Variants in CERKL observed in about 807,000 individuals in gnomAD.
CERKL encodes the protein ceramide kinase-like protein.
A neutral mutation model predicts 63.4 loss-of-function variants in CERKL; 61 were observed. That is an observed-to-expected ratio of 0.96 (90% CI 0.78 to 1.19). CERKL has a LOEUF of 1.19. CERKL is among the 50% of genes most tolerant of loss of function. The pLI is 0.00. For synonymous variants in CERKL, 250 were observed against 230.5 expected, an observed-to-expected ratio of 1.08 and a Z score of -0.77; for missense variants, 675 against 655.5, an observed-to-expected ratio of 1.03 and a Z score of -0.33.
chr2:181,608,028 T>C (rs759768541), intron 1 of CERKL, among the ~76,000 whole-genome samples: 4 of 152,202 alleles, frequency 2.6e-5, no homozygotes, highest in Non-Finnish European at 4.4e-5. Context: ...AGTCTTCTTA[T>C]GTTTGCCCAG....
At chr2:181,590,141 T>C (rs370032524) in intron 2 of CERKL, among the ~76,000 whole-genome samples, 3 of 145,578 alleles carry the variant, frequency 2.1e-5, no homozygotes, top group African/African-American at 7.7e-5. Flanking sequence ...TTTGTTTATA[T>C]ATTTATTTAA....
chr2:181,634,957 T>A (rs186162334), intron 1 of CERKL, among the ~76,000 whole-genome samples: 102 of 152,254 alleles, frequency 6.7e-4, no homozygotes, highest in Non-Finnish European at 1.3e-3. Context: ...ACACAATGAA[T>A]GCTAATTAAA....
chr2:181,616,035 T>A (rs1686178493), intron 1 of CERKL, among the ~76,000 whole-genome samples: 1 of 152,040 alleles, frequency 6.6e-6, no homozygotes, highest in Admixed American at 6.6e-5. Flanking sequence ...TGTCACATTG[T>A]TATCGGATCA....
intron 1 of CERKL, among the ~76,000 whole-genome samples, chr2:181,647,129 T>C (rs1441147): frequency 0.092 from 14,000 of 152,008 alleles, 825 homozygotes; most frequent in East Asian, 0.12. Flanking sequence ...GCTGAAGAGA[T>C]GGGATGGGTT....
intron 11 of CERKL, among the ~76,000 whole-genome samples, chr2:181,540,646 G>A (rs2105790200): frequency 6.6e-6 from 1 of 152,280 alleles, no homozygotes; most frequent in South Asian, 2.1e-4. Context: ...TAAATCAGCA[G>A]TTGTCATGTG....
intron 2 of CERKL, among the ~76,000 whole-genome samples, chr2:181,602,840 A>G (rs1209643060): frequency 6.6e-6 from 1 of 152,260 alleles, no homozygotes; most frequent in Non-Finnish European, 1.5e-5. Flanking sequence ...TGACTGATGC[A>G]GCAAACAAGA....
At chr2:181,603,810 T>G in intron 2 of CERKL, 27 bp downstream of exon 2, 2 of 1,611,572 alleles carry the variant, frequency 1.2e-6, no homozygotes, top group Non-Finnish European at 1.7e-6. Flanking sequence ...ACTGGGCTGA[T>G]TAAAATTTCC....
intron 1 of CERKL, among the ~76,000 whole-genome samples, chr2:181,651,816 GA>G (rs1203119640): frequency 6.6e-6 from 1 of 151,800 alleles, no homozygotes; most frequent in Non-Finnish European, 1.5e-5. Context: ...AAAGTTGCAA[GA>G]CACAAAATCA....
chr2:181,564,048 C>T (rs1035126943), intron 4 of CERKL, among the ~76,000 whole-genome samples: 4 of 152,078 alleles, frequency 2.6e-5, no homozygotes, highest in African/African-American at 9.7e-5. Context: ...GCATTAGATT[C>T]TCATCAAGAG....
At chr2:181,538,886 C>T (rs1038370119) in intron 12 of CERKL, among the ~76,000 whole-genome samples, 1 of 152,034 alleles carries the variant, frequency 6.6e-6, no homozygotes, top group Non-Finnish European at 1.5e-5. Flanking sequence ...AAAGAAAATG[C>T]CTTGGGTCTA....
Position 181,538,216 on chromosome 2 carries a change from CATAAAGACTG to C in CERKL, c.1557_1566del (p.Ile519MetfsTer8). The stretch of plus-strand genomic sequence containing the variant: ...GGAATCATTTCTTCCATGCTTCCTC[CATAAAGACTG>C]ATAAGTCTTGGATGCAATCTGTAAA... On this transcript the variant is annotated frameshift_variant, in exon 13 of 13. Coordinates refer to ENST00000410087, the MANE Select transcript of CERKL (RefSeq NM_201548.5). LOFTEE classifies it high-confidence loss of function. 1 of 1,590,534 alleles carries C rather than the reference CATAAAGACTG, an allele frequency of 6.3e-7. No individual in the cohort carries two copies. Among genetic ancestry groups the C allele is most frequent in the Non-Finnish European group, 8.6e-7 (1 of 1,159,608 alleles).
chr2:181,584,222 G>A (rs575277417), intron 2 of CERKL, among the ~76,000 whole-genome samples: 37 of 152,012 alleles, frequency 2.4e-4, no homozygotes, highest in Admixed American at 2.0e-4. Context: ...CTTAATAACC[G>A]CCATATTGGC....
intron 1 of CERKL, among the ~76,000 whole-genome samples, chr2:181,626,026 TTACAGATTGTGAGGAAG>T (rs144759069): frequency 0.18 from 27,043 of 152,126 alleles, 3,808 homozygotes; most frequent in African/African-American, 0.39. Flanking sequence ...TGATCCCATT[TTACAGATTGTGAGGAAG>T]GACAGATAAG....
Position 181,558,761 on chromosome 2 carries a change from T to C in CERKL, c.678-53A>G. The stretch of plus-strand genomic sequence containing the variant: ...GGCAAAACTTCAGAATGATTGGTAA[T>C]AAGTCATGAAATCTAGACTTCAAAA... On this transcript the variant is annotated intron_variant, in intron 4 of 12. Coordinates refer to ENST00000410087, the MANE Select transcript of CERKL (RefSeq NM_201548.5). The surrounding 1 kb of genome is among the most constrained non-coding windows in gnomAD (Gnocchi z 4.2). 1 of 1,584,424 alleles carries C rather than the reference T, an allele frequency of 6.3e-7. No individual in the cohort carries two copies.
chr2:181,627,753 A>G (rs2105470318), intron 1 of CERKL, among the ~76,000 whole-genome samples: 1 of 152,302 alleles, frequency 6.6e-6, no homozygotes, highest in African/African-American at 2.4e-5. Flanking sequence ...ACATTCCCAC[A>G]CCCCATGGCT....
intron 5 of CERKL, among the ~76,000 whole-genome samples, chr2:181,553,768 ACT>A (rs549607022): frequency 7.6e-4 from 115 of 152,276 alleles, no homozygotes; most frequent in African/African-American, 1.6e-3. Context: ...GGTTTTTGAC[ACT>A]CTGAAGAAAA....
At position 181,566,098 on chromosome 2, in the gene CERKL, G is replaced by C; in HGVS notation, c.637C>G (p.Leu213Val). The C allele has an allele frequency of 1.9e-6, 3 of 1,611,108 alleles. No homozygotes were observed. The highest frequency in any genetic ancestry group is 2.2e-5 in the South Asian group (2 of 91,002). The change falls in exon 4 of 13, where the codon CTG (leucine) becomes GTG (valine). Residue 213 changes from leucine (L) to valine (V), a missense_variant. Coordinates refer to ENST00000410087, the MANE Select transcript of CERKL (RefSeq NM_201548.5). The part of the protein sequence containing the change: ...VTIMEYEGHA[L>V]SLLKECELQG... ...AGTTCACATTCCTTAAGCAGTGACA[G>C]AGCGTGCCCTTCATATTCCATTACT...
chr2:181,639,968 C>T (rs1047373132), intron 1 of CERKL, among the ~76,000 whole-genome samples: 13 of 152,168 alleles, frequency 8.5e-5, no homozygotes, highest in Non-Finnish European at 1.6e-4. Flanking sequence ...TAATGAAAAT[C>T]TAGGAATGTA....
intron 1 of CERKL, among the ~76,000 whole-genome samples, chr2:181,619,546 C>T (rs1686358788): frequency 6.6e-6 from 1 of 152,174 alleles, no homozygotes; most frequent in South Asian, 2.1e-4. Flanking sequence ...GCTTCAAACA[C>T]AGGCTAGGCT....
Sources: gnomAD v4.1 joint callset for allele counts (sites outside exome capture counted in the v4.1 genomes callset) on GRCh38, gnomAD v4.1.1 for gene constraint, Gnocchi (gnomAD v3.1) non-coding constraint, MANE v1.5 for transcripts, NCBI Gene and HGNC (gene_info 2026-07-23, HGNC 2026-07-21) for gene names.